The following NRG1 variants were observed in gnomAD, a reference collection of about 807,000 sequenced individuals.
The protein encoded by NRG1 is pro-neuregulin-1, membrane-bound isoform.
Under a neutral mutation model 63.8 loss-of-function variants are expected in NRG1, and 18 were observed. That is an observed-to-expected ratio of 0.28 (90% confidence interval 0.19 to 0.42). The LOEUF (loss-of-function observed/expected upper bound fraction) is 0.42, where lower values mean the gene tolerates loss of function less well. Ranked by LOEUF, NRG1 falls within the 10% of genes least tolerant of loss-of-function variation. NRG1 has a pLI of 1.00. For missense variants in NRG1, 762 were observed against 814.7 expected, an observed-to-expected ratio of 0.94 and a Z score of 0.79; for synonymous variants, 302 against 301.3, an observed-to-expected ratio of 1.00 and a Z score of -0.02.
intron 1 of NRG1, among the ~76,000 whole-genome samples, chr8:32,205,282 G>A (rs73675880): frequency 0.014 from 2,087 of 152,156 alleles, 55 homozygotes; most frequent in African/African-American, 0.047. Flanking sequence ...TGCCCAATAC[G>A]TGTTACTTAA....
intron 1 of NRG1, among the ~76,000 whole-genome samples, chr8:32,041,120 A>G (rs1425699594): frequency 2.6e-5 from 4 of 152,130 alleles, no homozygotes; most frequent in African/African-American, 9.7e-5. Context: ...GAAGCTGACT[A>G]TCTAATTTGT....
intron 1 of NRG1, among the ~76,000 whole-genome samples, chr8:31,671,846 G>A (rs1427265898): frequency 3.3e-5 from 5 of 152,078 alleles, no homozygotes; most frequent in African/African-American, 4.8e-5. Flanking sequence ...TTCTGGATTT[G>A]AGGAACCATT....
intron 1 of NRG1, among the ~76,000 whole-genome samples, chr8:31,735,183 C>T (rs939655614): frequency 1.3e-5 from 2 of 152,034 alleles, no homozygotes; most frequent in African/African-American, 4.8e-5. Context: ...GTATGATGTG[C>T]CCTGACCACC....
chr8:32,358,049 A>G (rs1806690683), intron 1 of NRG1, among the ~76,000 whole-genome samples: 1 of 152,158 alleles, frequency 6.6e-6, no homozygotes, highest in Admixed American at 6.5e-5. Flanking sequence ...ATAAGTATAC[A>G]TGTTTGGTGA....
chr8:32,201,048 A>G (rs1843453922), intron 1 of NRG1, among the ~76,000 whole-genome samples: 1 of 152,156 alleles, frequency 6.6e-6, no homozygotes, highest in Non-Finnish European at 1.5e-5. Flanking sequence ...TTTCTTAGGT[A>G]TATTTCAGGC....
intron 1 of NRG1, among the ~76,000 whole-genome samples, chr8:31,859,006 T>C (rs1828219471): frequency 1.3e-5 from 2 of 152,324 alleles, no homozygotes; most frequent in Non-Finnish European, 2.9e-5. Flanking sequence ...GTATAGATTT[T>C]TATGCTACAG....
intron 1 of NRG1, among the ~76,000 whole-genome samples, chr8:32,439,304 C>T (rs1443260050): frequency 6.6e-6 from 1 of 152,156 alleles, no homozygotes; most frequent in Non-Finnish European, 1.5e-5. Flanking sequence ...AATGAGGATA[C>T]AAAACTCATA....
chr8:31,639,311 G>T, exon 1 of NRG1: 1 of 1,505,852 alleles, frequency 6.6e-7, no homozygotes, highest in Middle Eastern at 2.2e-4. Flanking sequence ...GCAGCACTCG[G>T]GGCGACAGAG....
chr8:31,670,839 T>G (rs1021867442), intron 1 of NRG1, among the ~76,000 whole-genome samples: 2 of 152,200 alleles, frequency 1.3e-5, no homozygotes, highest in African/African-American at 4.8e-5. Flanking sequence ...GGGGTGCATA[T>G]GCAGGTTTGT....
At chr8:31,915,741 TA>T (rs1372834929) in intron 1 of NRG1, among the ~76,000 whole-genome samples, 1 of 152,130 alleles carries the variant, frequency 6.6e-6, no homozygotes, top group African/African-American at 2.4e-5. Context: ...ACATGATGGA[TA>T]GAGTAGGTTA....
chr8:32,716,774 T>C (rs1300364831), intron 5 of NRG1, among the ~76,000 whole-genome samples: 2 of 151,192 alleles, frequency 1.3e-5, no homozygotes, highest in Non-Finnish European at 2.9e-5. Flanking sequence ...TTCTAACAAC[T>C]GCATGATGTG....
intron 1 of NRG1, among the ~76,000 whole-genome samples, chr8:32,430,067 T>C (rs956650352): frequency 2.6e-5 from 4 of 152,154 alleles, no homozygotes; most frequent in African/African-American, 9.7e-5. Flanking sequence ...TTCTTGACTG[T>C]GCTATCATAA....
chr8:31,997,967 T>C (rs1812289749), intron 1 of NRG1, among the ~76,000 whole-genome samples: 1 of 152,168 alleles, frequency 6.6e-6, no homozygotes, highest in East Asian at 1.9e-4. Context: ...ACAGTCTATC[T>C]TGAGAAATGC....
intron 1 of NRG1, among the ~76,000 whole-genome samples, chr8:31,746,208 A>C (rs546767626): frequency 6.6e-6 from 1 of 151,970 alleles, no homozygotes; most frequent in East Asian, 1.9e-4. Context: ...GTTTGAATAC[A>C]TGGCCACCAA....
At chr8:32,184,943 A>C (rs1310793727) in intron 1 of NRG1, among the ~76,000 whole-genome samples, 1 of 152,170 alleles carries the variant, frequency 6.6e-6, no homozygotes, top group Non-Finnish European at 1.5e-5. Context: ...AAGGGAAGCC[A>C]TGAGTGGTGA....
rs115214351 is a variant in NRG1, at chr8:32,556,633, C to T, written c.100+7807C>T. On this transcript the variant is annotated intron_variant, in intron 1 of 11. Transcript: ENST00000356819. The stretch of plus-strand genomic sequence containing the variant: ...TTTGTTCACTTTCACAGTACTACAT[C>T]AATGCAAGCTTTTTAGTAGTTTTAA... 6.9e-3 allele frequency among the ~76,000 whole-genome samples: 1,052 copies of T among 152,268 alleles called. 15 individuals are homozygous for T. The highest frequency in any genetic ancestry group is 0.024 in the African/African-American group (987 of 41,548).
chr8:32,293,018 C>T (rs1408702256), intron 1 of NRG1, among the ~76,000 whole-genome samples: 6 of 152,078 alleles, frequency 3.9e-5, no homozygotes, highest in Admixed American at 2.6e-4. Context: ...GCAGGAGAAT[C>T]GCTTGAACCT....
intron 1 of NRG1, among the ~76,000 whole-genome samples, chr8:32,201,397 T>A (rs1843486912): frequency 6.6e-6 from 1 of 152,188 alleles, no homozygotes; most frequent in Admixed American, 6.5e-5. Flanking sequence ...CAAAATTTCC[T>A]CTCTCTTATG....
intron 1 of NRG1, among the ~76,000 whole-genome samples, chr8:32,415,111 T>C (rs1376004945): frequency 6.6e-6 from 1 of 152,158 alleles, no homozygotes; most frequent in Non-Finnish European, 1.5e-5. Flanking sequence ...GAATGTGTTC[T>C]ATAGAAGGCA....
Sources: gnomAD v4.1 joint callset for allele counts (sites outside exome capture counted in the v4.1 genomes callset) on GRCh38, gnomAD v4.1.1 for gene constraint, MANE v1.5 for transcripts, NCBI Gene and HGNC (gene_info 2026-07-23, HGNC 2026-07-21) for gene names.